Variants in TLR6 observed in about 807,000 individuals in gnomAD.
TLR6 encodes the protein toll-like receptor 6.
TLR6 carries 9 observed loss-of-function variants against 16.1 expected under a neutral mutation model. That is an observed-to-expected ratio of 0.56 (90% CI 0.34 to 0.98). The LOEUF (loss-of-function observed/expected upper bound fraction) is 0.98. TLR6 is among the 50% of genes least tolerant of loss of function. The pLI, the probability that TLR6 is intolerant of heterozygous loss-of-function variation, is 0.02. For synonymous variants in TLR6, 340 were observed against 338.6 expected, an observed-to-expected ratio of 1.00 and a Z score of -0.04; for missense variants, 786 against 921.0, an observed-to-expected ratio of 0.85 and a Z score of 1.90.
chr4:38,857,231 A>G (rs1186176064), upstream of TLR6, among the ~76,000 whole-genome samples: 1 of 152,226 alleles, frequency 6.6e-6, no homozygotes, highest in Non-Finnish European at 1.5e-5. Context: ...ATAGTTTAAA[A>G]TAAAATAAGT....
chr4:38,827,533 T>C (rs1469596575), exon 2 of TLR6: 19 of 1,614,216 alleles, frequency 1.2e-5, no homozygotes, highest in Non-Finnish European at 1.6e-5. Context: ...GTTCACTATA[T>C]GAAATAAAAG....
At chr4:38,831,022 T>A in intron 1 of TLR6, among the ~76,000 whole-genome samples, 1 of 108,614 alleles carries the variant, frequency 9.2e-6, no homozygotes, top group African/African-American at 4.0e-5. Flanking sequence ...TATTGTTCAT[T>A]CACAGGAAAA....
intron 1 of TLR6, among the ~76,000 whole-genome samples, chr4:38,851,163 T>C (rs111980996): frequency 0.21 from 32,498 of 152,052 alleles, 4,172 homozygotes; most frequent in Non-Finnish European, 0.28. Flanking sequence ...AGAAAAGGCC[T>C]TTGACAAAAT....
chr4:38,833,035 A>C (rs1711701694), intron 1 of TLR6, among the ~76,000 whole-genome samples: 1 of 151,972 alleles, frequency 6.6e-6, no homozygotes, highest in African/African-American at 2.4e-5. Flanking sequence ...AGTGCCACAC[A>C]GGGTGTGGCA....
chr4:38,842,283 G>A (rs1448950622), intron 1 of TLR6, among the ~76,000 whole-genome samples: 3 of 152,186 alleles, frequency 2.0e-5, no homozygotes, highest in African/African-American at 7.2e-5. Flanking sequence ...GGACTGGAAT[G>A]AGGCTATATT....
At chr4:38,860,258 G>A (rs1404152883), upstream of TLR6, among the ~76,000 whole-genome samples, 2 of 152,118 alleles carry the variant, frequency 1.3e-5, no homozygotes, top group African/African-American at 2.4e-5. Context: ...GATCACCTGA[G>A]GTCAGGAGTT....
upstream of TLR6, among the ~76,000 whole-genome samples, chr4:38,857,147 C>A (rs530628756): frequency 6.6e-6 from 1 of 152,278 alleles, no homozygotes; most frequent in East Asian, 1.9e-4. Context: ...TCTATTATCA[C>A]CATATTTAAC....
intron 1 of TLR6, among the ~76,000 whole-genome samples, chr4:38,852,613 A>G (rs1436145191): frequency 1.3e-5 from 2 of 152,200 alleles, no homozygotes; most frequent in Non-Finnish European, 2.9e-5. Flanking sequence ...TTATGCAGCC[A>G]AAAGACACAT....
At chr4:38,837,584 T>C (rs921244327) in intron 1 of TLR6, among the ~76,000 whole-genome samples, 1 of 152,166 alleles carries the variant, frequency 6.6e-6, no homozygotes, top group Non-Finnish European at 1.5e-5. Flanking sequence ...TCTCACCATA[T>C]ACAAAAATCA....
chr4:38,829,426 G>A (rs1727724894), exon 2 of TLR6: 2 of 1,613,764 alleles, frequency 1.2e-6, no homozygotes, highest in Non-Finnish European at 1.7e-6. Flanking sequence ...TGATCATAAG[G>A]CAAACAAAAT....
At chr4:38,836,099 CA>C (rs1254543542) in intron 1 of TLR6, among the ~76,000 whole-genome samples, 2 of 151,930 alleles carry the variant, frequency 1.3e-5, no homozygotes, top group Non-Finnish European at 2.9e-5. Flanking sequence ...CAAACACTTT[CA>C]AATGTTAGGA....
intron 1 of TLR6, among the ~76,000 whole-genome samples, chr4:38,852,018 G>C (rs139830141): frequency 0.012 from 1,752 of 152,190 alleles, 40 homozygotes; most frequent in African/African-American, 0.037. Flanking sequence ...CATGGTACTG[G>C]TACCAAAACA....
At chr4:38,823,668 T>C (rs1727409607), downstream of TLR6, 2 of 152,246 alleles carry the variant, frequency 1.3e-5, no homozygotes, top group South Asian at 4.1e-4. Flanking sequence ...ATTTTTGTTT[T>C]GTTTTGCCTC....
chr4:38,849,321 A>C lies in TLR6; in HGVS notation c.-65+7440T>G, dbSNP rs146062351. 3.2e-3 allele frequency among the ~76,000 whole-genome samples: 483 copies of C among 152,344 alleles called. 3 individuals carry two copies. Among genetic ancestry groups the C allele is most frequent in the African/African-American group, 0.011 (456 of 41,572 alleles). On this transcript the variant is annotated intron_variant, in intron 1 of 1. Coordinates refer to ENST00000436693, the Ensembl canonical transcript of TLR6. ...AAGAACCGGTACCAGCCACTGCAACAACATGCCAAAATGTAAAGACCATTG... is the reference window on the plus strand; with the variant it reads ...AAGAACCGGTACCAGCCACTGCAACCACATGCCAAAATGTAAAGACCATTG...
At chr4:38,865,231 T>G in the TLR6 span, among the ~76,000 whole-genome samples, 2 of 152,240 alleles carry the variant, frequency 1.3e-5, no homozygotes, top group Non-Finnish European at 2.9e-5. Flanking sequence ...TAAGTATTTG[T>G]CATATTATTC....
chr4:38,858,740 AAAGAGAGAGAGAGAGAGG>A (rs1560274410), upstream of TLR6, among the ~76,000 whole-genome samples: 7 of 130,548 alleles, frequency 5.4e-5, no homozygotes, highest in African/African-American at 1.5e-4. Context: ...AGAAAGAAAG[AAAGAGAGAGAGAGAGAGG>A]GAGAGAGAGA....
At chr4:38,839,301 A>AT (rs753999214) in intron 1 of TLR6, among the ~76,000 whole-genome samples, 24 of 151,370 alleles carry the variant, frequency 1.6e-4, no homozygotes, top group African/African-American at 2.9e-4. Flanking sequence ...AAGTCTATTG[A>AT]TTTTTTTTTA....
chr4:38,830,980 TAA>T (rs1035592444), intron 1 of TLR6, among the ~76,000 whole-genome samples: 7 of 150,800 alleles, frequency 4.6e-5, no homozygotes, highest in African/African-American at 1.5e-4. Context: ...TTTATTTGTT[TAA>T]AAAAATTAGC....
chr4:38,856,190 T>C (rs190682389), intron 1 of TLR6, among the ~76,000 whole-genome samples: 175 of 152,364 alleles, frequency 1.1e-3, no homozygotes, highest in Non-Finnish European at 1.9e-3. Flanking sequence ...ATTTAATAAA[T>C]GTTTATTCAG....
Sources: gnomAD v4.1 joint callset for allele counts (sites outside exome capture counted in the v4.1 genomes callset) on GRCh38, gnomAD v4.1.1 for gene constraint, MANE v1.5 for transcripts, NCBI Gene and HGNC (gene_info 2026-07-23, HGNC 2026-07-21) for gene names.